DMD: variants seen among roughly 807,000 people sequenced by gnomAD.
DMD encodes the protein dystrophin.
Under a neutral mutation model 330.1 loss-of-function variants are expected in DMD, and 63 were observed. The ratio of observed to expected loss-of-function variants is 0.19; its 90% confidence interval spans 0.16 to 0.24. DMD has a LOEUF of 0.24. Among genes scored for constraint, DMD ranks in the 10% least tolerant of loss-of-function variants. The pLI, the probability that DMD is intolerant of heterozygous loss-of-function variation, is 1.00. For synonymous variants in DMD, 1,223 were observed against 959.8 expected (o/e 1.27, Z -5.07); for missense variants, 3,344 against 2,684.1 (o/e 1.25, Z -5.43).
intron 9 of DMD, among the ~76,000 whole-genome samples, chrX:32,645,453 T>C (rs924120717): frequency 3.6e-5 from 4 of 112,248 alleles, no homozygotes; most frequent in African/African-American, 9.7e-5. Context: ...GCTATAAATA[T>C]TGATCTGTAG....
chrX:32,328,539 G>A (rs1334893173), intron 41 of DMD, among the ~76,000 whole-genome samples: 1 of 111,281 alleles, frequency 9.0e-6, no homozygotes, highest in Non-Finnish European at 1.9e-5. Context: ...ACATATAGGA[G>A]GTGATGGTTT....
At chrX:32,655,105 T>C (rs1278351876) in intron 9 of DMD, among the ~76,000 whole-genome samples, 1 of 111,958 alleles carries the variant, frequency 8.9e-6, no homozygotes, top group Non-Finnish European at 1.9e-5. Context: ...GATTCATTGA[T>C]TTTTTAAAGG....
chrX:33,008,820 A>C (rs1421417991), intron 2 of DMD, among the ~76,000 whole-genome samples: 1 of 56,054 alleles, frequency 1.8e-5, no homozygotes, highest in Non-Finnish European at 3.6e-5. Context: ...ATACACATAA[A>C]TGTATACGTA....
chrX:31,810,099 T>C (rs1010641986), intron 50 of DMD, among the ~76,000 whole-genome samples: 4 of 111,723 alleles, frequency 3.6e-5, no homozygotes, highest in Non-Finnish European at 7.5e-5. Flanking sequence ...ATGCTAGTCA[T>C]TGAATTAAAG....
intron 6 of DMD, among the ~76,000 whole-genome samples, chrX:32,812,735 C>T (rs1322276989): frequency 8.9e-6 from 1 of 112,074 alleles, no homozygotes; most frequent in Non-Finnish European, 1.9e-5. Flanking sequence ...AAATCGAATC[C>T]CTCCATATTT....
At chrX:33,052,948 G>A (rs2094474855) in intron 1 of DMD, among the ~76,000 whole-genome samples, 1 of 111,404 alleles carries the variant, frequency 9.0e-6, no homozygotes, top group Non-Finnish European at 1.9e-5. Flanking sequence ...CACCTACTAT[G>A]TACCCACAAA....
intron 1 of DMD, among the ~76,000 whole-genome samples, chrX:33,270,274 A>G (rs2053130973): frequency 9.0e-6 from 1 of 111,062 alleles, no homozygotes; most frequent in African/African-American, 3.3e-5. Flanking sequence ...CTATCTTTTG[A>G]GAGCCAAAAT....
Position 32,911,341 on chromosome X carries a change from C to A in DMD, c.94-61521G>T, listed in dbSNP as rs1193713764. 2.7e-5 allele frequency among the ~76,000 whole-genome samples: 3 copies of A among 111,874 alleles called. No homozygotes were observed. In the East Asian group the frequency reaches 8.5e-4, roughly 32 times the overall value. Reference sequence around the variant, plus strand: ...ACTAAACCAGTTTCAAAAGGCTGTGCTCCCAAGTTATCCTAGCCATAACAT... The same window carrying A: ...ACTAAACCAGTTTCAAAAGGCTGTGATCCCAAGTTATCCTAGCCATAACAT... On this transcript the variant is annotated intron_variant, in intron 2 of 78. Coordinates refer to ENST00000357033, the MANE Select transcript of DMD (RefSeq NM_004006.3).
intron 5 of DMD, among the ~76,000 whole-genome samples, chrX:32,821,359 A>C (rs189734100): frequency 0.018 from 1,940 of 110,432 alleles, 36 homozygotes; most frequent in African/African-American, 0.054. Context: ...CCGAGGCAGG[A>C]GGATCACGAG....
intron 63 of DMD, among the ~76,000 whole-genome samples, chrX:31,240,275 C>T (rs974171637): frequency 9.0e-5 from 10 of 111,417 alleles, no homozygotes; most frequent in Non-Finnish European, 1.7e-4. Context: ...CTATTATACT[C>T]TCAATGTGCA....
chrX:32,809,856 C>CA (rs1490670087), intron 6 of DMD, among the ~76,000 whole-genome samples: 2 of 91,232 alleles, frequency 2.2e-5, no homozygotes, highest in African/African-American at 4.3e-5. Context: ...CGGAGGTGGG[C>CA]AGATCCTTTG....
At chrX:32,812,469 C>T (rs757201469) in intron 6 of DMD, among the ~76,000 whole-genome samples, 2 of 111,107 alleles carry the variant, frequency 1.8e-5, no homozygotes, top group East Asian at 5.7e-4. Flanking sequence ...CCCGACACTA[C>T]TAAAAATACA....
intron 50 of DMD, among the ~76,000 whole-genome samples, chrX:31,792,760 C>T (rs777595870): frequency 2.7e-5 from 3 of 111,426 alleles, no homozygotes; most frequent in South Asian, 7.6e-4. Context: ...GAGGCGTCTG[C>T]GACCCCTGAA....
chrX:33,313,608 T>C (rs773400082), intron 1 of DMD, among the ~76,000 whole-genome samples: 6 of 110,715 alleles, frequency 5.4e-5, no homozygotes, highest in Non-Finnish European at 9.4e-5. Flanking sequence ...TGAAGAACTG[T>C]ATTAATAATT....
At position 32,861,381 on chromosome X, in the gene DMD, C is replaced by A. The variant is rs771655816; in HGVS notation, c.94-11561G>T. The stretch of plus-strand genomic sequence containing the variant: ...TATGGTACCTAGCATAGAAAATGCT[C>A]AATAAAAACATTAAATAAATTACAT... On this transcript the variant is annotated intron_variant, in intron 2 of 78. Coordinates refer to ENST00000357033, the MANE Select transcript of DMD (RefSeq NM_004006.3). 1.4e-4 allele frequency among the ~76,000 whole-genome samples: 15 copies of A among 110,545 alleles called. No homozygotes were observed. In the East Asian group the frequency reaches 4.2e-3, roughly 31 times the overall value.
intron 44 of DMD, among the ~76,000 whole-genome samples, chrX:32,188,923 G>A (rs748744398): frequency 1.1e-3 from 126 of 110,145 alleles, no homozygotes; most frequent in African/African-American, 3.7e-3. Context: ...ACAATCCTAC[G>A]TAGTCAATTT....
At chrX:31,154,334 C>T (rs1184355975) in intron 74 of DMD, among the ~76,000 whole-genome samples, 2 of 109,397 alleles carry the variant, frequency 1.8e-5, no homozygotes, top group Non-Finnish European at 3.8e-5. Flanking sequence ...CTCGCTCTGT[C>T]GCCCATGCTG....
At chrX:31,592,609 C>T (rs953821785) in intron 55 of DMD, among the ~76,000 whole-genome samples, 1 of 109,750 alleles carries the variant, frequency 9.1e-6, no homozygotes, top group Non-Finnish European at 1.9e-5. Context: ...AATGCAATCA[C>T]TTCGATTACG....
At chrX:32,907,088 T>G (rs991973183) in intron 2 of DMD, among the ~76,000 whole-genome samples, 16 of 112,032 alleles carry the variant, frequency 1.4e-4, no homozygotes, top group African/African-American at 5.2e-4. Flanking sequence ...TAGTGTAAAT[T>G]CATGAGAAAA....
Sources: gnomAD v4.1 joint callset for allele counts (sites outside exome capture counted in the v4.1 genomes callset) on GRCh38, gnomAD v4.1.1 for gene constraint, MANE v1.5 for transcripts, NCBI Gene and HGNC (gene_info 2026-07-23, HGNC 2026-07-21) for gene names.